CAD: variants seen among roughly 807,000 people sequenced by gnomAD.
CAD encodes the protein multifunctional protein CAD.
CAD carries 81 observed loss-of-function variants against 237.2 expected under a neutral mutation model. That is an observed-to-expected ratio of 0.34 (90% CI 0.29 to 0.41). CAD has a LOEUF of 0.41. CAD is among the 10% of genes least tolerant of loss of function. The probability of loss-of-function intolerance (pLI) is 1.00; values close to 1 mark genes in which losing one functional copy is unlikely to be tolerated. For missense variants in CAD, 2,181 were observed against 2,951.7 expected (o/e 0.74, Z 6.05); for synonymous variants, 1,196 against 1,162.8 (o/e 1.03, Z -0.58).
intron 15 of CAD, 146 bp downstream of exon 15, chr2:27,227,108 G>C: frequency 1.5e-6 from 1 of 680,274 alleles, no homozygotes; most frequent in Non-Finnish European, 2.5e-6. Flanking sequence ...CTTGTCAGGA[G>C]TTGGGGAGGC....
Position 27,243,678 on chromosome 2 carries a change from G to T in CAD, c.*160G>T. 1 of 634,556 alleles carries T rather than the reference G, an allele frequency of 1.6e-6. No individual in the cohort carries two copies. Among genetic ancestry groups the T allele is most frequent in the South Asian group, 2.0e-5 (1 of 50,458 alleles). 39.3% of individuals were successfully genotyped at this position (634,556 alleles called of 1,614,324 possible). A position where few individuals can be genotyped will look rare whatever the true frequency, so the allele number is the denominator to read the frequency against. On this transcript the variant is annotated 3_prime_UTR_variant, in exon 44 of 44. Coordinates refer to ENST00000264705, the MANE Select transcript of CAD (RefSeq NM_004341.5). Reference sequence around the variant, plus strand: ...CTGGACTGGAGCTCTCTGGCATGGGGGTGGGGCCTCAGATGCTGGGGCCCA... The same window carrying T: ...CTGGACTGGAGCTCTCTGGCATGGGTGTGGGGCCTCAGATGCTGGGGCCCA...
Position 27,226,263 on chromosome 2 carries a change from C to T in CAD, c.1975C>T (p.Leu659=). The change falls in exon 13 of 44, where the codon CTG becomes TTG. Residue 659 remains leucine, a synonymous_variant. Coordinates refer to ENST00000264705, the MANE Select transcript of CAD (RefSeq NM_004341.5). ...RQTAIKVTQH[L]GIVGECNVQY... ...GACAGCTATCAAGGTGACCCAGCAC[C>T]TGGGAATTGTTGGGGAGTGCAATGT... 5.6e-6 allele frequency: 9 copies of T among 1,614,188 alleles called. No homozygotes were observed. The highest frequency in any genetic ancestry group is 5.9e-6 in the Non-Finnish European group (7 of 1,180,026).
rs61737365 is a variant in CAD at position 27,242,740 on chromosome 2, G to C, written c.6343G>C (p.Val2115Leu). 14,412 of 1,614,172 alleles carry C rather than the reference G, an allele frequency of 8.9e-3. 85 individuals carry two copies. The highest frequency in any genetic ancestry group is 0.011 in the Non-Finnish European group (12,976 of 1,180,022). ...APPSLRMPPT[V>L]RAFVASRGTK... ...TCCCAGCCTGCGCATGCCACCCACT[G>C]TGCGGGCCTTCGTGGCCTCCCGCGG... The change falls in exon 41 of 44, where the codon GTG (valine) becomes CTG (leucine). Residue 2115 changes from valine to leucine, a missense_variant. Physicochemically the swap from Val to Leu is conservative, Grantham distance 32. Coordinates refer to ENST00000264705, the MANE Select transcript of CAD (RefSeq NM_004341.5). The surrounding 1 kb of genome is among the most constrained non-coding windows in gnomAD (Gnocchi z 6.4).
chr2:27,222,383 T>C (rs1383965852), intron 4 of CAD, 47 bp downstream of exon 4: 1 of 1,590,678 alleles, frequency 6.3e-7, no homozygotes, highest in Non-Finnish European at 8.6e-7. Context: ...GCACAGTAGT[T>C]ATATTCTGCC....
chr2:27,240,175 C>T lies in CAD; in HGVS notation c.5497-90C>T, dbSNP rs757186303. 2.1e-4 allele frequency: 228 copies of T among 1,072,858 alleles called. No homozygotes were observed. The highest frequency in any genetic ancestry group is 2.8e-4 in the Admixed American group (14 of 49,160). 66.5% of individuals were successfully genotyped at this position (1,072,858 alleles called of 1,614,324 possible). A position where few individuals can be genotyped will look rare whatever the true frequency, so the allele number is the denominator to read the frequency against. ...AGAATTGCTTGAACCCAGAAGGTCACGCCACTGCACTCCAGCCTGAGCGAC... is the reference window on the plus strand; with the variant it reads ...AGAATTGCTTGAACCCAGAAGGTCATGCCACTGCACTCCAGCCTGAGCGAC... On this transcript the variant is annotated intron_variant, in intron 34 of 43. Transcript: ENST00000264705. The surrounding 1 kb of genome is among the most constrained non-coding windows in gnomAD (Gnocchi z 4.6).
chr2:27,225,155 T>C lies in CAD; in HGVS notation c.1532T>C (p.Leu511Pro). Reference sequence around the variant, plus strand: ...GGCACACCAGTGGAGACCATTGAGCTGACCGAGGATCGACGGGCCTTTGCT... The same window carrying C: ...GGCACACCAGTGGAGACCATTGAGCCGACCGAGGATCGACGGGCCTTTGCT... Reference protein sequence around the residue: ...VLGTPVETIELTEDRRAFAAR... With the variant: ...VLGTPVETIEPTEDRRAFAAR... The change falls in exon 11 of 44, where the codon CTG becomes CCG. Residue 511 changes from leucine (L) to proline (P), a missense_variant. Physicochemically the swap from Leu to Pro is moderately conservative, Grantham distance 98. Coordinates refer to ENST00000264705, the MANE Select transcript of CAD (RefSeq NM_004341.5). The C allele has an allele frequency of 1.9e-6, 3 of 1,614,150 alleles. No individual in the cohort carries two copies. The highest frequency in any genetic ancestry group is 2.5e-6 in the Non-Finnish European group (3 of 1,180,020).
rs931368581 is a variant in CAD, at chr2:27,221,231, C to T, written c.236C>T (p.Ser79Leu). The T allele has an allele frequency of 1.7e-5, 27 of 1,548,112 alleles. No individual in the cohort carries two copies. The highest frequency in any genetic ancestry group is 2.2e-5 in the Non-Finnish European group (25 of 1,142,954). ...TTCCATCTACAGTGGTTTGAATCCT[C>T]GGGCATCCACGTAGCAGCACTGGTA... Reference protein sequence around the residue: ...EFGLCKWFESSGIHVAALVVG... With the variant: ...EFGLCKWFESLGIHVAALVVG... The change falls in exon 3 of 44, where the codon TCG (serine) becomes TTG (leucine). Residue 79 changes from serine to leucine, a missense_variant. Coordinates refer to ENST00000264705, the MANE Select transcript of CAD (RefSeq NM_004341.5).
Position 27,225,227 on chromosome 2 carries a change from C to T in CAD, c.1604C>T (p.Ala535Val). Residue 535 changes from alanine (A) to valine (V), a missense_variant, in exon 11 of 44, where the codon GCA (alanine) becomes GTA (valine). Around this residue, in one of 12 missense-constraint regions of CAD, gnomAD observed 174 missense variants for 215.8 expected, o/e 0.81. Transcript: ENST00000264705. ...GAGCATGTGGCCCCGAGCGAGGCAG[C>T]AAATTCTCTTGAACAGGTTGGAGGG... ...IGEHVAPSEA[A>V]NSLEQAQAAA... 1 of 1,610,378 alleles carries T rather than the reference C, an allele frequency of 6.2e-7. No homozygotes were observed.
Position 27,233,126 on chromosome 2 carries a change from G to A in CAD, c.2977G>A (p.Glu993Lys). Residue 993 changes from glutamate (E) to lysine (K), a missense_variant, in exon 19 of 44, where the codon GAG (glutamate) becomes AAG (lysine). Glu to Lys is a moderately conservative substitution (Grantham distance 56, BLOSUM62 1). Around this residue, in one of 12 missense-constraint regions of CAD, gnomAD observed 385 missense variants for 535.1 expected, o/e 0.72. Transcript: ENST00000264705. This position sits in a 1 kb window ranked among gnomAD's most constrained non-coding sequence, Gnocchi z 6.3. ...CATGTGTGATCGACTCTACTTTGAT[G>A]AGATCTCTTTTGAGGTGAGGGAGAT... is the stretch of plus-strand genomic sequence containing the variant. ...YDMCDRLYFD[E>K]ISFEVVMDIY... 1 of 1,612,582 alleles carries A rather than the reference G, an allele frequency of 6.2e-7. No individual in the cohort carries two copies. The highest frequency in any genetic ancestry group is 8.5e-7 in the Non-Finnish European group (1 of 1,178,574).
intron 30 of CAD, 115 bp from the exon 31 acceptor site, chr2:27,238,316 G>A: frequency 1.4e-6 from 2 of 1,459,258 alleles, no homozygotes; most frequent in Non-Finnish European, 1.9e-6. Context: ...TCTCGAGCCA[G>A]CACCCTTGCA....
rs1675827608 is a variant in CAD at position 27,232,876 on chromosome 2, C to T, written c.2893-166C>T. Among the ~76,000 whole-genome samples the T allele has an allele frequency of 6.6e-6, 1 of 152,180 alleles. No homozygotes were observed. The highest frequency in any genetic ancestry group is 2.1e-4 in the South Asian group (1 of 4,828). ...CACGGTATATGAATCTCTTCCCCAACACTTTGTACCTCCTTCCCTCCCAAG... is the reference window on the plus strand; with the variant it reads ...CACGGTATATGAATCTCTTCCCCAATACTTTGTACCTCCTTCCCTCCCAAG... On this transcript the variant is annotated intron_variant, in intron 18 of 43. Coordinates refer to ENST00000264705, the MANE Select transcript of CAD (RefSeq NM_004341.5). This position sits in a 1 kb window ranked among gnomAD's most constrained non-coding sequence, Gnocchi z 4.1.
chr2:27,239,599 C>T lies in CAD; in HGVS notation c.5395-98C>T. ...TGCCCTGGACCAGGGGTTGGGGGCACAGCTCCCCCAAGGTGCTTTTTGTCC... is the reference window on the plus strand; with the variant it reads ...TGCCCTGGACCAGGGGTTGGGGGCATAGCTCCCCCAAGGTGCTTTTTGTCC... On this transcript the variant is annotated intron_variant, in intron 33 of 43. Transcript: ENST00000264705. This position sits in a 1 kb window ranked among gnomAD's most constrained non-coding sequence, Gnocchi z 4.0. 1 of 1,484,170 alleles carries T rather than the reference C, an allele frequency of 6.7e-7. No individual in the cohort carries two copies. The highest frequency in any genetic ancestry group is 9.3e-7 in the Non-Finnish European group (1 of 1,079,902). 91.9% of individuals were successfully genotyped at this position (1,484,170 alleles called of 1,614,324 possible).
Position 27,217,456 on chromosome 2 carries a change from G to T in CAD, c.-96G>T. The T allele has an allele frequency of 9.1e-7, 1 of 1,097,998 alleles. No individual in the cohort carries two copies. 68.0% of individuals were successfully genotyped at this position (1,097,998 alleles called of 1,614,324 possible). A position where few individuals can be genotyped will look rare whatever the true frequency, so the allele number is the denominator to read the frequency against. ...CAGCGCCCCGCGCCGTTAGCCACGTGGACCGACTCCGGCGCGCCGTCCTCA... is the reference window on the plus strand; with the variant it reads ...CAGCGCCCCGCGCCGTTAGCCACGTTGACCGACTCCGGCGCGCCGTCCTCA... On this transcript the variant is annotated 5_prime_UTR_variant, in exon 1 of 44. Coordinates refer to ENST00000264705, the MANE Select transcript of CAD (RefSeq NM_004341.5).
In CAD at chr2:27,235,713, A is replaced by G. The variant is rs1675967471; in HGVS notation, c.4074+73A>G. 2 of 1,314,802 alleles carry G rather than the reference A, an allele frequency of 1.5e-6. No homozygotes were observed. The highest frequency in any genetic ancestry group is 1.2e-5 in the South Asian group (1 of 82,152). 81.4% of individuals were successfully genotyped at this position (1,314,802 alleles called of 1,614,324 possible). ...GGTGAAAATACTGCACCAAAGAATT[A>G]TCTGGGCTGGGCACGGTGGCATATA... On this transcript the variant is annotated intron_variant, in intron 25 of 43. Coordinates refer to ENST00000264705, the MANE Select transcript of CAD (RefSeq NM_004341.5). The surrounding 1 kb of genome is among the most constrained non-coding windows in gnomAD (Gnocchi z 5.2).
chr2:27,234,787 G>T (rs965663097), intron 23 of CAD, 102 bp downstream of exon 23: 11 of 1,114,744 alleles, frequency 9.9e-6, no homozygotes, highest in African/African-American at 3.1e-5. Flanking sequence ...TGACTGCAAG[G>T]CATTGCCGGA....
At position 27,226,506 on chromosome 2, in the gene CAD, T is replaced by G. The variant is rs1558532200; in HGVS notation, c.2032-19T>G. On this transcript the variant is annotated intron_variant, in intron 13 of 43. Transcript: ENST00000264705. ...GACAGGGTCTTCTAGGCCAGTGACT[T>G]TATTCTCCTTCTTTGCAGTATTACA... is the stretch of plus-strand genomic sequence containing the variant. The G allele has an allele frequency of 2.5e-6, 4 of 1,613,604 alleles. No individual in the cohort carries two copies. The highest frequency in any genetic ancestry group is 3.4e-6 in the Non-Finnish European group (4 of 1,179,688).
At chr2:27,218,529 A>G (rs1275538) in intron 2 of CAD, among the ~76,000 whole-genome samples, 86,075 of 151,820 alleles carry the variant, frequency 0.57, 27,912 homozygotes, top group East Asian at 0.86. Flanking sequence ...GTGGAAAGAG[A>G]CTGGAAACTA....
chr2:27,238,437 C>A lies in CAD; in HGVS notation c.4867C>A (p.Leu1623Ile). Residue 1623 changes from leucine to isoleucine, a missense_variant, in exon 31 of 44, where the codon CTA (leucine) becomes ATA (isoleucine). Leu to Ile is a conservative substitution (Grantham distance 5, BLOSUM62 2). Around this residue, in one of 12 missense-constraint regions of CAD, gnomAD observed 478 missense variants for 515.0 expected, o/e 0.93. Transcript: ENST00000264705. ...TCTTCCCATTGTTCCCCAGATCCTG[C>A]TAATTAAAGCTGCAAAGGCACGGGG... ...CHVARKEEILLIKAAKARGLP... is the reference protein window; with the variant it reads ...CHVARKEEILIIKAAKARGLP... The A allele has an allele frequency of 1.9e-6, 3 of 1,573,012 alleles. No homozygotes were observed. The highest frequency in any genetic ancestry group is 1.7e-6 in the Non-Finnish European group (2 of 1,158,504).
Position 27,236,015 on chromosome 2 carries a change from T to G in CAD, c.4075-269T>G. On this transcript the variant is annotated intron_variant, in intron 25 of 43. Coordinates refer to ENST00000264705, the MANE Select transcript of CAD (RefSeq NM_004341.5). The surrounding 1 kb of genome is among the most constrained non-coding windows in gnomAD (Gnocchi z 4.1). ...TCTTAAAATCTCTGTACCACTGTTC[T>G]GATATTTTTCCTTCCAGGATTTTCT... 1.9e-6 allele frequency: 1 copy of G among 539,360 alleles called. No individual in the cohort carries two copies. The highest frequency in any genetic ancestry group is 2.5e-5 in the South Asian group (1 of 40,390). 33.4% of individuals were successfully genotyped at this position (539,360 alleles called of 1,614,324 possible). A position where few individuals can be genotyped will look rare whatever the true frequency, so the allele number is the denominator to read the frequency against.
Sources: gnomAD v4.1 joint callset for allele counts (sites outside exome capture counted in the v4.1 genomes callset) on GRCh38, gnomAD v4.1.1 for gene constraint, gnomAD v4.1.1 regional missense constraint, Gnocchi (gnomAD v3.1) non-coding constraint, MANE v1.5 for transcripts, NCBI Gene and HGNC (gene_info 2026-07-23, HGNC 2026-07-21) for gene names.